Variants in SHPRH observed in about 807,000 individuals in gnomAD.
SHPRH encodes the protein SNF2 histone linker PHD RING helicase, also known as E3 ubiquitin-protein ligase SHPRH.
SHPRH carries 106 observed loss-of-function variants against 202.5 expected under a neutral mutation model. The ratio of observed to expected loss-of-function variants is 0.52; its 90% CI spans 0.45 to 0.62. The LOEUF is 0.62. Ranked by LOEUF, SHPRH falls within the 20% of genes least tolerant of loss-of-function variation. The pLI, the probability that SHPRH is intolerant of heterozygous loss-of-function variation, is 0.00. For missense variants in SHPRH, 1,710 were observed against 2,020.0 expected, an observed-to-expected ratio of 0.85 and a Z score of 2.94; for synonymous variants, 729 against 686.0, an observed-to-expected ratio of 1.06 and a Z score of -0.98.
At chr6:145,910,904 A>G (rs182860943) in intron 24 of SHPRH, among the ~76,000 whole-genome samples, 376 of 152,266 alleles carry the variant, frequency 2.5e-3, no homozygotes, top group Non-Finnish European at 2.9e-3. Flanking sequence ...ATTTGGGAAG[A>G]ATGTAAATTA....
chr6:145,919,805 CA>C (rs1450228078), intron 21 of SHPRH, among the ~76,000 whole-genome samples: 1 of 152,090 alleles, frequency 6.6e-6, no homozygotes, highest in Non-Finnish European at 1.5e-5. Flanking sequence ...TTTATTATAA[CA>C]TATTTCACAT....
chr6:145,955,269 C>T lies in SHPRH; in HGVS notation c.54G>A (p.Arg18=), dbSNP rs1788390338. 3 of 1,611,176 alleles carry T rather than the reference C, an allele frequency of 1.9e-6. No homozygotes were observed. Among genetic ancestry groups the T allele is most frequent in the South Asian group, 1.1e-5 (1 of 91,070 alleles). Reference sequence around the variant, plus strand: ...CATGCATATTCCAATGAAGCTGCTGCCTCTTTTCCTCATCTACCCTCACTG... The same window carrying T: ...CATGCATATTCCAATGAAGCTGCTGTCTCTTTTCCTCATCTACCCTCACTG... ...APPVRVDEEK[R]QQLHWNMHED... is the part of the protein sequence containing the mutation. The change falls in exon 2 of 30, where the codon AGG becomes AGA. Residue 18 remains arginine, a synonymous_variant. Transcript: ENST00000275233.
intron 4 of SHPRH, 51 bp downstream of exon 4, chr6:145,950,213 T>C (rs1327455631): frequency 6.6e-7 from 1 of 1,514,054 alleles, no homozygotes; most frequent in Non-Finnish European, 9.1e-7. Flanking sequence ...TAATTGTCTC[T>C]GATGTAATCT....
downstream of SHPRH, among the ~76,000 whole-genome samples, chr6:145,882,978 C>T (rs1485592682): frequency 6.6e-6 from 1 of 152,018 alleles, no homozygotes; most frequent in Non-Finnish European, 1.5e-5. Flanking sequence ...AAAATGTGTC[C>T]TTGGACAAAT....
rs748613165 is a variant in SHPRH at position 145,867,631 on chromosome 6, TAGAGAGAG to T, written c.222-3148_222-3141del. On this transcript the variant is annotated intron_variant, in intron 2 of 2. Coordinates refer to the SHPRH transcript ENST00000417762. ...ATATATATATATATATATATATATATAGAGAGAGAGAGAGAGAGAGAGAGAGAGAGAGA... is the reference window on the plus strand; with the variant it reads ...ATATATATATATATATATATATATATAGAGAGAGAGAGAGAGAGAGAGAGA... 1.0e-2 allele frequency among the ~76,000 whole-genome samples: 222 copies of T among 22,258 alleles called. 2 individuals are homozygous for T. Among genetic ancestry groups the T allele is most frequent in the Middle Eastern group, 0.062 (2 of 32 alleles). The allele number at this position is 22,258 out of a possible 152,430, so 14.6% of individuals were successfully genotyped here. A position where few individuals can be genotyped will look rare whatever the true frequency, so the allele number is the denominator to read the frequency against.
At chr6:145,922,373 A>G in intron 19 of SHPRH, 25 bp from the exon 20 acceptor site, 3 of 1,549,018 alleles carry the variant, frequency 1.9e-6, no homozygotes, top group Non-Finnish European at 2.6e-6. Flanking sequence ...ATTAACAGAA[A>G]TATTCACAAA....
chr6:145,907,279 A>G (rs562549383), intron 25 of SHPRH: 2 of 152,068 alleles, frequency 1.3e-5, no homozygotes, highest in African/African-American at 2.4e-5. Context: ...TTTATTCTAA[A>G]CATGTCTAGA....
chr6:145,945,273 T>G lies in SHPRH; in HGVS notation c.1578+108A>C, dbSNP rs577536505. 550 of 1,317,578 alleles carry G rather than the reference T, an allele frequency of 4.2e-4. 3 individuals are homozygous for G. The African/African-American group carries it at 7.6e-3, about 18-fold the overall frequency. The allele number at this position is 1,317,578 out of a possible 1,614,324, so 81.6% of individuals were successfully genotyped here. A position where few individuals can be genotyped will look rare whatever the true frequency, so the allele number is the denominator to read the frequency against. On this transcript the variant is annotated intron_variant, in intron 8 of 29. Coordinates refer to ENST00000275233, the MANE Select transcript of SHPRH (RefSeq NM_001042683.3). ...AGATATAAGTACTTTTCCTATTTTT[T>G]TATCTTCAGATCGTAAGAGTTTCAG...
intron 2 of SHPRH, among the ~76,000 whole-genome samples, chr6:145,865,698 T>C (rs1779747496): frequency 6.6e-6 from 1 of 152,232 alleles, no homozygotes; most frequent in African/African-American, 2.4e-5. Flanking sequence ...TGTGCCTCAG[T>C]ATGGGCAGAG....
chr6:145,918,226 G>A lies in SHPRH; in HGVS notation c.4159C>T (p.Gln1387Ter), dbSNP rs752318919. 1 of 1,559,160 alleles carries A rather than the reference G, an allele frequency of 6.4e-7. No individual in the cohort carries two copies. Among genetic ancestry groups the A allele is most frequent in the Non-Finnish European group, 8.6e-7 (1 of 1,156,990 alleles). ...TCATTTAGTAGTTTTATTCGGTTTTGTTCTACCTAAAGAAAATAAAAATAA... is the reference window on the plus strand; with the variant it reads ...TCATTTAGTAGTTTTATTCGGTTTTATTCTACCTAAAGAAAATAAAAATAA... ...LHIIEPHEVEQNRIKLLNDKA... is the reference protein window; with the variant it reads ...LHIIEPHEVE Residue 1387 changes from glutamine (Q) to a stop codon, truncating the protein, a stop_gained, in exon 23 of 30, where the codon CAA (glutamine) becomes TAA (stop). Transcript: ENST00000275233. LOFTEE classifies it high-confidence loss of function.
chr6:145,899,253 G>T (rs1183508172), intron 25 of SHPRH, among the ~76,000 whole-genome samples: 1 of 152,020 alleles, frequency 6.6e-6, no homozygotes, highest in Non-Finnish European at 1.5e-5. Flanking sequence ...GCAATCTTGA[G>T]CAAAAAGCTA....
intron 11 of SHPRH, 72 bp downstream of exon 11, chr6:145,940,651 A>G (rs952355659): frequency 4.1e-5 from 60 of 1,460,860 alleles, no homozygotes; most frequent in Non-Finnish European, 5.1e-5. Context: ...AAGGTTAAGC[A>G]TAACAATACT....
intron 11 of SHPRH, among the ~76,000 whole-genome samples, chr6:145,938,732 G>A (rs1305719989): frequency 1.3e-5 from 2 of 152,122 alleles, no homozygotes; most frequent in Non-Finnish European, 2.9e-5. Context: ...AAATGTTTAA[G>A]GAATTTGTTT....
intron 6 of SHPRH, among the ~76,000 whole-genome samples, chr6:145,946,706 G>C (rs1488569485): frequency 6.6e-6 from 1 of 151,840 alleles, no homozygotes; most frequent in Non-Finnish European, 1.5e-5. Flanking sequence ...TGATAGTTAA[G>C]TCAATATATT....
chr6:145,915,507 A>C (rs1783869610), intron 23 of SHPRH, among the ~76,000 whole-genome samples: 1 of 151,980 alleles, frequency 6.6e-6, no homozygotes, highest in South Asian at 2.1e-4. Flanking sequence ...TGTTTGTCTG[A>C]AAATATCCTT....
chr6:145,878,282 T>C (rs1443162793), intron 2 of SHPRH, among the ~76,000 whole-genome samples: 1 of 152,176 alleles, frequency 6.6e-6, no homozygotes, highest in Non-Finnish European at 1.5e-5. Context: ...CAGTTGTACA[T>C]TTGTTTCAAA....
intron 2 of SHPRH, among the ~76,000 whole-genome samples, chr6:145,868,384 T>A (rs1028208581): frequency 6.6e-6 from 1 of 152,160 alleles, no homozygotes; most frequent in African/African-American, 2.4e-5. Context: ...TTTCTACACA[T>A]GAGGAATGAC....
downstream of SHPRH, among the ~76,000 whole-genome samples, chr6:145,864,074 T>G (rs966348057): frequency 6.6e-6 from 1 of 152,182 alleles, no homozygotes; most frequent in African/African-American, 2.4e-5. Flanking sequence ...AAACTTACAT[T>G]TCTTTATGTG....
intron 13 of SHPRH, among the ~76,000 whole-genome samples, chr6:145,933,466 T>C (rs1246047415): frequency 6.6e-6 from 1 of 152,188 alleles, no homozygotes; most frequent in Admixed American, 6.6e-5. Flanking sequence ...ATTACAGGTA[T>C]TAACATGTAA....
Sources: gnomAD v4.1 joint callset for allele counts (sites outside exome capture counted in the v4.1 genomes callset) on GRCh38, gnomAD v4.1.1 for gene constraint, MANE v1.5 for transcripts, NCBI Gene and HGNC (gene_info 2026-07-23, HGNC 2026-07-21) for gene names.